The following ATP1A2 variants were observed in gnomAD, a reference collection of about 807,000 sequenced individuals.
ATP1A2 encodes sodium/potassium-transporting ATPase subunit alpha-2.
Under a neutral mutation model 113.1 loss-of-function variants are expected in ATP1A2, and 56 were observed. The observed-to-expected ratio is 0.49, with a 90% confidence interval of 0.40 to 0.62. The LOEUF is 0.62. Among genes scored for constraint, ATP1A2 ranks in the 20% least tolerant of loss-of-function variants. ATP1A2 has a pLI of 0.00. For missense variants in ATP1A2, 712 were observed against 1,357.8 expected (o/e 0.52, Z 7.47); for synonymous variants, 490 against 526.8 (o/e 0.93, Z 0.96).
chr1:160,125,802 T>A (rs748893893), intron 7 of ATP1A2, among the ~76,000 whole-genome samples: 17 of 152,326 alleles, frequency 1.1e-4, no homozygotes, highest in Non-Finnish European at 8.8e-5. Context: ...ACTACCCAGT[T>A]TGCCCCATCC....
chr1:160,130,738 A>G, intron 13 of ATP1A2, 141 bp downstream of exon 13: 1 of 1,223,828 alleles, frequency 8.2e-7, no homozygotes. Flanking sequence ...TCCATCTGCA[A>G]GGAAAGGCCC....
At chr1:160,130,770 C>T (rs1651747410) in intron 13 of ATP1A2, among the ~76,000 whole-genome samples, 173 bp downstream of exon 13, 2 of 152,250 alleles carry the variant, frequency 1.3e-5, no homozygotes, top group African/African-American at 4.8e-5. Flanking sequence ...GGGGCACTCA[C>T]CCTTATCCCT....
intron 1 of ATP1A2, among the ~76,000 whole-genome samples, chr1:160,116,458 C>G: frequency 6.6e-6 from 1 of 151,914 alleles, no homozygotes; most frequent in East Asian, 1.9e-4. Context: ...CACCCCAGCA[C>G]CCCTCCGGAT....
rs1167471742 is a variant in ATP1A2 at position 160,135,431 on chromosome 1, C to A, written c.2116-3C>A. ...TCCTCAAGTGTGGCCGTCTTCCCTC[C>A]AGGGAGCCATTGTGGCCGTGACGGG... On this transcript the variant is annotated splice_region_variant and splice_polypyrimidine_tract_variant and intron_variant, in intron 15 of 22. Coordinates refer to ENST00000361216, the MANE Select transcript of ATP1A2 (RefSeq NM_000702.4). This position sits in a 1 kb window ranked among gnomAD's most constrained non-coding sequence, Gnocchi z 6.3. The A allele has an allele frequency of 6.2e-7, 1 of 1,614,172 alleles. No homozygotes were observed. Among genetic ancestry groups the A allele is most frequent in the East Asian group, 2.2e-5 (1 of 44,882 alleles).
intron 3 of ATP1A2, 138 bp downstream of exon 3, chr1:160,121,389 A>T: frequency 1.0e-6 from 1 of 1,004,758 alleles, no homozygotes; most frequent in Non-Finnish European, 1.6e-6. Flanking sequence ...GGACTGGCCC[A>T]AGGACATGCA....
At chr1:160,125,038 T>C (rs1036142284) in intron 6 of ATP1A2, 98 bp from the exon 7 acceptor site, 31 of 928,776 alleles carry the variant, frequency 3.3e-5, no homozygotes, top group Non-Finnish European at 5.1e-5. Context: ...GTTCCTCGTG[T>C]CATGAAGATT....
intron 7 of ATP1A2, chr1:160,125,580 C>G: frequency 3.0e-6 from 1 of 334,292 alleles, no homozygotes; most frequent in South Asian, 3.1e-5. Context: ...CGCTCAGAAC[C>G]AACCTGGATT....
chr1:160,129,510 G>T (rs570162016), intron 11 of ATP1A2, 110 bp downstream of exon 11: 1 of 1,522,464 alleles, frequency 6.6e-7, no homozygotes, highest in Non-Finnish European at 9.0e-7. Context: ...TGAGGGTCAT[G>T]TTCCCTCCCC....
chr1:160,126,696 C>T (rs1651599321), intron 7 of ATP1A2, among the ~76,000 whole-genome samples: 1 of 152,084 alleles, frequency 6.6e-6, no homozygotes, highest in South Asian at 2.1e-4. Context: ...GCCTCAAACT[C>T]CTGGGCTCAA....
chr1:160,128,564 A>G, intron 8 of ATP1A2, 88 bp from the exon 9 acceptor site: 1 of 1,594,820 alleles, frequency 6.3e-7, no homozygotes, highest in Non-Finnish European at 8.5e-7. Flanking sequence ...GAATCAGGGG[A>G]GGAGGAATGG....
At position 160,119,256 on chromosome 1, in the gene ATP1A2, C is replaced by CAAAAAAAAAAAAAAA. The variant is rs386368465; in HGVS notation, c.13-1637_13-1623dup. 9.1e-4 allele frequency among the ~76,000 whole-genome samples: 45 copies of CAAAAAAAAAAAAAAA among 49,430 alleles called. 12 individuals carry two copies. Among genetic ancestry groups the CAAAAAAAAAAAAAAA allele is most frequent in the Non-Finnish European group, 1.1e-3 (34 of 30,680 alleles). 32.4% of individuals were successfully genotyped at this position (49,430 alleles called of 152,430 possible). Reference sequence around the variant, plus strand: ...AAACCCCCAAAACTGCATTATCCTGCAAAAAAAAAAAAAAAAAAAAAAAAA... The same window carrying CAAAAAAAAAAAAAAA: ...AAACCCCCAAAACTGCATTATCCTGCAAAAAAAAAAAAAAAAAAAAAAAAAAAAAAAAAAAAAAAA... On this transcript the variant is annotated intron_variant, in intron 1 of 22. Coordinates refer to ENST00000361216, the MANE Select transcript of ATP1A2 (RefSeq NM_000702.4).
rs1415818130 is a variant in ATP1A2 at position 160,142,884 on chromosome 1, G to A, written c.*1562G>A. 1 of 152,122 alleles carries A rather than the reference G, an allele frequency of 6.6e-6. No individual in the cohort carries two copies. The highest frequency in any genetic ancestry group is 1.5e-5 in the Non-Finnish European group (1 of 68,034). 9.4% of individuals were successfully genotyped at this position (152,122 alleles called of 1,614,324 possible). ...CCAGGCAAATGCCCTTCAAACCGAC[G>A]ATCATTGTGCCCACTTACCCTGGGC... On this transcript the variant is annotated 3_prime_UTR_variant, in exon 23 of 23. Coordinates refer to ENST00000361216, the MANE Select transcript of ATP1A2 (RefSeq NM_000702.4).
chr1:160,139,790 G>T (rs937974931), intron 21 of ATP1A2, 49 bp downstream of exon 21: 23 of 1,612,398 alleles, frequency 1.4e-5, no homozygotes, highest in Non-Finnish European at 2.0e-5. Context: ...GGGGCCTTCA[G>T]CCCCCTCCAG....
At position 160,127,761 on chromosome 1, in the gene ATP1A2, A is replaced by G; in HGVS notation, c.958A>G (p.Ile320Val). The G allele has an allele frequency of 1.2e-6, 2 of 1,614,008 alleles. No individual in the cohort carries two copies. The highest frequency in any genetic ancestry group is 1.7e-6 in the Non-Finnish European group (2 of 1,179,936). Residue 320 changes from isoleucine (I) to valine (V), a missense_variant, in exon 8 of 23, where the codon ATC (isoleucine) becomes GTC (valine). Ile to Val is a conservative substitution (Grantham distance 29). Around this residue, in one of 6 missense-constraint regions of ATP1A2, gnomAD observed 44 missense variants for 153.1 expected, o/e 0.29. Transcript: ENST00000361216. ...ILGYSWLEAV[I>V]FLIGIIVANV... ...GGGCTACAGCTGGCTGGAGGCAGTC[A>G]TCTTCCTCATCGGCATCATAGTGGC...
chr1:160,132,355 G>A (rs1422983665), intron 13 of ATP1A2, among the ~76,000 whole-genome samples: 4 of 152,138 alleles, frequency 2.6e-5, no homozygotes, highest in African/African-American at 4.8e-5. Context: ...TCAGTGTCAC[G>A]GGGGAGGTTG....
chr1:160,129,205 C>T, intron 10 of ATP1A2, 61 bp from the exon 11 acceptor site: 4 of 1,613,068 alleles, frequency 2.5e-6, no homozygotes, highest in Non-Finnish European at 3.4e-6. Context: ...GTGCCGCCTT[C>T]ACCTGATCCT....
intron 7 of ATP1A2, 24 bp from the exon 8 acceptor site, chr1:160,127,528 A>G: frequency 6.2e-7 from 1 of 1,613,970 alleles, no homozygotes; most frequent in Non-Finnish European, 8.5e-7. Flanking sequence ...AAGGCACCCA[A>G]CCTGATGCCC....
In ATP1A2 at chr1:160,121,263, G is replaced by A. The variant is rs773836038; in HGVS notation, c.177+12G>A. ...TGGACCTGTCCAAGGTGAGTGGAGG[G>A]GCTTCTAGGGAAGGAACAAAAGAGG... On this transcript the variant is annotated intron_variant, in intron 3 of 22. Coordinates refer to ENST00000361216, the MANE Select transcript of ATP1A2 (RefSeq NM_000702.4). The A allele has an allele frequency of 1.9e-6, 3 of 1,614,028 alleles. No individual in the cohort carries two copies. Among genetic ancestry groups the A allele is most frequent in the Non-Finnish European group, 2.5e-6 (3 of 1,180,004 alleles).
At chr1:160,136,801 T>G (rs1268309588) in intron 19 of ATP1A2, 86 bp downstream of exon 19, 4 of 1,613,896 alleles carry the variant, frequency 2.5e-6, no homozygotes, top group Non-Finnish European at 3.4e-6. Flanking sequence ...GGTGGCCAAC[T>G]GGGACTGGGG....
Sources: allele counts gnomAD v4.1 joint callset (sites outside exome capture counted in the v4.1 genomes callset), GRCh38; gene constraint gnomAD v4.1.1; regional missense constraint gnomAD v4.1.1; non-coding constraint Gnocchi (gnomAD v3.1); transcripts MANE v1.5; gene names NCBI Gene and HGNC (gene_info 2026-07-23, HGNC 2026-07-21).